KCNQ3: variants seen among roughly 807,000 people sequenced by gnomAD.
KCNQ3 encodes the protein potassium voltage-gated channel subfamily Q member 3.
A neutral mutation model predicts 92.5 loss-of-function variants in KCNQ3; 30 were observed. The ratio of observed to expected loss-of-function variants is 0.32; its 90% CI spans 0.24 to 0.44. KCNQ3 has a LOEUF of 0.44. Among genes scored for constraint, KCNQ3 ranks in the 20% least tolerant of loss-of-function variants. KCNQ3 has a pLI of 1.00. For missense variants in KCNQ3, 913 were observed against 1,140.3 expected (o/e 0.80, Z 2.87); for synonymous variants, 450 against 468.8 (o/e 0.96, Z 0.52).
intron 1 of KCNQ3, among the ~76,000 whole-genome samples, chr8:132,221,410 G>A (rs1814232981): frequency 6.6e-6 from 1 of 152,206 alleles, no homozygotes; most frequent in East Asian, 1.9e-4. Context: ...CACAATGGTT[G>A]AACTAGTTTA....
chr8:132,314,107 C>T (rs1408986821), intron 1 of KCNQ3, among the ~76,000 whole-genome samples: 1 of 152,186 alleles, frequency 6.6e-6, no homozygotes, highest in African/African-American at 2.4e-5. Context: ...CAAACAGCAA[C>T]TCAACCAAGC....
intron 4 of KCNQ3, among the ~76,000 whole-genome samples, chr8:132,176,934 T>A (rs1195988761): frequency 1.3e-5 from 2 of 152,056 alleles, no homozygotes; most frequent in East Asian, 1.9e-4. Flanking sequence ...AGCAGAGGGG[T>A]TCACTTAGAT....
At chr8:132,448,502 G>GAAAAAAAAAAAAAAAA in intron 1 of KCNQ3, among the ~76,000 whole-genome samples, 84 of 93,836 alleles carry the variant, frequency 9.0e-4, no homozygotes, top group African/African-American at 3.2e-3. Flanking sequence ...GGAGAAATAT[G>GAAAAAAAAAAAAAAAA]AAAAAAAAAA....
chr8:132,372,467 G>A (rs2130739889), intron 1 of KCNQ3, among the ~76,000 whole-genome samples: 1 of 152,216 alleles, frequency 6.6e-6, no homozygotes, highest in South Asian at 2.1e-4. Flanking sequence ...ACAGAAAAGT[G>A]CTTAGAGGCC....
intron 1 of KCNQ3, among the ~76,000 whole-genome samples, chr8:132,373,124 C>G (rs943073347): frequency 5.3e-5 from 8 of 152,082 alleles, no homozygotes; most frequent in African/African-American, 1.9e-4. Flanking sequence ...CCTTTTTCAC[C>G]AGGGGGCTCC....
chr8:132,309,604 G>A (rs1032655547), intron 1 of KCNQ3, among the ~76,000 whole-genome samples: 4 of 152,166 alleles, frequency 2.6e-5, no homozygotes, highest in Non-Finnish European at 4.4e-5. Context: ...GCTGACAAGC[G>A]AGCTGCAACA....
At chr8:132,408,004 G>A (rs918542875) in intron 1 of KCNQ3, among the ~76,000 whole-genome samples, 1 of 152,140 alleles carries the variant, frequency 6.6e-6, no homozygotes, top group Non-Finnish European at 1.5e-5. Context: ...GGTAGCTCAG[G>A]AAATGAGTGA....
rs150304908 is a variant in KCNQ3 at position 132,336,152 on chromosome 8, T to C, written c.386+143995A>G. On this transcript the variant is annotated intron_variant, in intron 1 of 14. Coordinates refer to ENST00000388996, the MANE Select transcript of KCNQ3 (RefSeq NM_004519.4). Reference sequence around the variant, plus strand: ...TCTCCCACCTGACTGTGCATTCCCATAGGGCAGGGTCTAGGGCTGGGCACT... The same window carrying C: ...TCTCCCACCTGACTGTGCATTCCCACAGGGCAGGGTCTAGGGCTGGGCACT... Among the ~76,000 whole-genome samples the C allele has an allele frequency of 2.6e-4, 40 of 152,276 alleles. No homozygotes were observed. In the East Asian group the frequency reaches 7.0e-3, roughly 26 times the overall value.
chr8:132,180,238 C>A lies in KCNQ3; in HGVS notation c.696G>T (p.Leu232=). ...CCATCCGCAGCATGCGCAGGATCTG[C>A]AGGAAGCGCAGGCTTCGCAGGGAGG... ...LATSLRSLRF[L]QILRMLRMDR... is the part of the protein sequence containing the mutation. Residue 232 remains leucine, a synonymous_variant, in exon 4 of 15, where the codon CTG becomes CTT. Coordinates refer to ENST00000388996, the MANE Select transcript of KCNQ3 (RefSeq NM_004519.4). 6.2e-7 allele frequency: 1 copy of A among 1,614,180 alleles called. No individual in the cohort carries two copies. The highest frequency in any genetic ancestry group is 1.1e-5 in the South Asian group (1 of 91,090).
At chr8:132,251,538 T>C (rs952166726) in intron 1 of KCNQ3, among the ~76,000 whole-genome samples, 4 of 152,212 alleles carry the variant, frequency 2.6e-5, no homozygotes, top group Non-Finnish European at 4.4e-5. Context: ...CATGATACTT[T>C]GTGTTTCTGA....
chr8:132,174,239 C>T lies in KCNQ3; in HGVS notation c.1044G>A (p.Ala348=), dbSNP rs541549782. 71 of 1,549,928 alleles carry T rather than the reference C, an allele frequency of 4.6e-5. No individual in the cohort carries two copies. The highest frequency in any genetic ancestry group is 1.7e-4 in the East Asian group (7 of 40,914). Residue 348 remains alanine, a splice_region_variant and synonymous_variant, in exon 6 of 15, where the codon GCG becomes GCA. Transcript: ENST00000388996. ...LIGVSFFALP[A]GILGSGLALK... is the part of the protein sequence containing the mutation. ...GATGTCATATATCAAAGGTACTTAC[C>T]GCTGGAAGGGCAAAAAAGGAGACGC...
chr8:132,247,641 A>T (rs896437987), intron 1 of KCNQ3, among the ~76,000 whole-genome samples: 8 of 151,750 alleles, frequency 5.3e-5, no homozygotes, highest in East Asian at 3.9e-4. Flanking sequence ...CTAAAAATAT[A>T]AAAAAAATTA....
At chr8:132,459,157 G>A (rs1024596999) in intron 1 of KCNQ3, among the ~76,000 whole-genome samples, 4 of 152,140 alleles carry the variant, frequency 2.6e-5, no homozygotes, top group Non-Finnish European at 5.9e-5. Flanking sequence ...GGGGTTATGG[G>A]ATTTGTGGGG....
intron 1 of KCNQ3, among the ~76,000 whole-genome samples, chr8:132,478,640 AC>A (rs2130872974): frequency 1.3e-5 from 2 of 152,166 alleles, no homozygotes; most frequent in South Asian, 4.2e-4. Context: ...ACACACACAC[AC>A]ACACATACAC....
At chr8:132,164,230 G>A (rs1352516476) in intron 8 of KCNQ3, among the ~76,000 whole-genome samples, 2 of 151,676 alleles carry the variant, frequency 1.3e-5, no homozygotes, top group African/African-American at 4.8e-5. Flanking sequence ...GCCCTCCTAG[G>A]GGTTCTTATT....
At chr8:132,464,559 T>C (rs2673555) in intron 1 of KCNQ3, among the ~76,000 whole-genome samples, 36,909 of 152,210 alleles carry the variant, frequency 0.24, 5,497 homozygotes, top group East Asian at 0.38. Context: ...CACTTTCCTT[T>C]GTATCACTTT....
intron 1 of KCNQ3, among the ~76,000 whole-genome samples, chr8:132,352,241 G>A (rs1223948359): frequency 6.6e-6 from 1 of 152,038 alleles, no homozygotes; most frequent in African/African-American, 2.4e-5. Flanking sequence ...CACCAGGGGC[G>A]GGGTGTTAGG....
rs145854292 is a variant in KCNQ3, at chr8:132,407,604, C to G, written c.386+72543G>C. On this transcript the variant is annotated intron_variant, in intron 1 of 14. Transcript: ENST00000388996. ...CTGACCGTCTTTGGTGCTGTTCCTT[C>G]TCCCTGGGACACCCTTCCTCCCTCA... 5.3e-3 allele frequency among the ~76,000 whole-genome samples: 802 copies of G among 152,316 alleles called. 9 individuals carry two copies. Among genetic ancestry groups the G allele is most frequent in the African/African-American group, 0.018 (742 of 41,560 alleles).
intron 1 of KCNQ3, among the ~76,000 whole-genome samples, chr8:132,387,954 AG>A (rs1819933793): frequency 6.6e-6 from 1 of 151,354 alleles, no homozygotes; most frequent in South Asian, 2.1e-4. Context: ...AAGAAGAAGG[AG>A]AAGAAGAAGA....
Sources: allele counts gnomAD v4.1 joint callset (sites outside exome capture counted in the v4.1 genomes callset), GRCh38; gene constraint gnomAD v4.1.1; transcripts MANE v1.5; gene names NCBI Gene and HGNC (gene_info 2026-07-23, HGNC 2026-07-21).